The following NRAS variants were observed in gnomAD, a reference collection of about 807,000 sequenced individuals.
NRAS encodes GTPase NRas.
A neutral mutation model predicts 21.3 loss-of-function variants in NRAS; 6 were observed. That is an observed-to-expected ratio of 0.28 (90% CI 0.15 to 0.56). NRAS has a LOEUF of 0.56. Among genes scored for constraint, NRAS ranks in the 20% least tolerant of loss-of-function variants. NRAS has a pLI of 0.93. For missense variants in NRAS, 143 were observed against 231.3 expected, an observed-to-expected ratio of 0.62 and a Z score of 2.48; for synonymous variants, 84 against 82.0, an observed-to-expected ratio of 1.02 and a Z score of -0.13.
In NRAS at chr1:114,708,625, T is replaced by C; in HGVS notation, c.480A>G (p.Val160=). ...TCATTCGGTACTGGCGTATTTCTCTTACCAGTGTGTAAAAAGCATCTTCAA... is the reference window on the plus strand; with the variant it reads ...TCATTCGGTACTGGCGTATTTCTCTCACCAGTGTGTAAAAAGCATCTTCAA... ...QGVEDAFYTL[V]REIRQYRMKK... is the part of the protein sequence containing the mutation. The change falls in exon 5 of 7, where the codon GTA becomes GTG. Residue 160 remains valine, a synonymous_variant. Coordinates refer to ENST00000369535, the MANE Select transcript of NRAS (RefSeq NM_002524.5). The C allele has an allele frequency of 6.2e-7, 1 of 1,613,276 alleles. No homozygotes were observed. Among genetic ancestry groups the C allele is most frequent in the East Asian group, 2.2e-5 (1 of 44,866 alleles).
chr1:114,712,321 C>G (rs1659066020), intron 3 of NRAS, among the ~76,000 whole-genome samples: 1 of 152,218 alleles, frequency 6.6e-6, no homozygotes, highest in Non-Finnish European at 1.5e-5. Flanking sequence ...AGAATATGCT[C>G]ACTCCTAAAT....
At chr1:114,710,264 T>C (rs1659015762) in intron 3 of NRAS, among the ~76,000 whole-genome samples, 1 of 88,402 alleles carries the variant, frequency 1.1e-5, no homozygotes, top group Non-Finnish European at 2.1e-5. Flanking sequence ...TATATAAATA[T>C]ATATTTATAT....
At chr1:114,711,915 A>T (rs1159309068) in intron 3 of NRAS, among the ~76,000 whole-genome samples, 1 of 152,246 alleles carries the variant, frequency 6.6e-6, no homozygotes, top group African/African-American at 2.4e-5. Flanking sequence ...GTAGTCAAGG[A>T]ACTAATTTTT....
intron 5 of NRAS, 137 bp downstream of exon 5, chr1:114,708,394 G>T: frequency 1.3e-6 from 1 of 793,966 alleles, no homozygotes. Context: ...CTTTCAGAAA[G>T]GGTGTCATAT....
rs778179888 is a variant in NRAS, at chr1:114,708,631, T to A, written c.474A>T (p.Thr158=). Residue 158 remains threonine (T), a synonymous_variant, in exon 5 of 7, where the codon ACA becomes ACT. Coordinates refer to ENST00000369535, the MANE Select transcript of NRAS (RefSeq NM_002524.5). ...TRQGVEDAFY[T]LVREIRQYRM... Reference sequence around the variant, plus strand: ...GGTACTGGCGTATTTCTCTTACCAGTGTGTAAAAAGCATCTTCAACACCCT... The same window carrying A: ...GGTACTGGCGTATTTCTCTTACCAGAGTGTAAAAAGCATCTTCAACACCCT... 6.2e-7 allele frequency: 1 copy of A among 1,613,586 alleles called. No individual in the cohort carries two copies.
At chr1:114,709,761 A>G (rs1332970907) in intron 3 of NRAS, 33 bp from the exon 4 acceptor site, 2 of 1,587,084 alleles carry the variant, frequency 1.3e-6, no homozygotes, top group Admixed American at 1.7e-5. Flanking sequence ...AGAACATAAG[A>G]AAAACAAGAT....
chr1:114,708,699 G>C (rs769647280), intron 4 of NRAS, 45 bp from the exon 5 acceptor site: 6 of 1,598,818 alleles, frequency 3.8e-6, no homozygotes, highest in Admixed American at 1.7e-5. Flanking sequence ...CTAGCTCAAC[G>C]GACACAATCC....
At position 114,706,585 on chromosome 1, in the gene NRAS, T is replaced by C. The variant is rs141713248; in HGVS notation, c.*1509A>G. 3.3e-5 allele frequency: 5 copies of C among 152,342 alleles called. No homozygotes were observed. The highest frequency in any genetic ancestry group is 6.5e-5 in the Admixed American group (1 of 15,306). 9.4% of individuals were successfully genotyped at this position (152,342 alleles called of 1,614,324 possible). ...ACATCCTCATTCTCAAATGAGAATA[T>C]TGGCTTAATTTAGAGTTTCTACATG... On this transcript the variant is annotated 3_prime_UTR_variant, in exon 7 of 7. Transcript: ENST00000369535.
intron 3 of NRAS, among the ~76,000 whole-genome samples, chr1:114,712,427 AAT>A (rs1349499778): frequency 2.0e-5 from 3 of 152,188 alleles, no homozygotes; most frequent in Non-Finnish European, 4.4e-5. Context: ...AGATGTTTTA[AAT>A]ACTCTTTGGT....
At chr1:114,715,920 CA>C in intron 2 of NRAS, 129 bp downstream of exon 2, 1 of 718,650 alleles carries the variant, frequency 1.4e-6, no homozygotes, top group Non-Finnish European at 2.6e-6. Context: ...AAGCTTATTG[CA>C]TAACTGAATG....
rs1317498203 is a variant in NRAS, at chr1:114,710,209, A to AT, written c.291-482_291-481insA. ...CCATCCCCCCCAACCCCCCCCAAAA[A>AT]ATATATATAAAATATATAAAAATAA... is the stretch of plus-strand genomic sequence containing the variant. On this transcript the variant is annotated intron_variant, in intron 3 of 6. Coordinates refer to ENST00000369535, the MANE Select transcript of NRAS (RefSeq NM_002524.5). Among the ~76,000 whole-genome samples the AT allele has an allele frequency of 1.4e-4, 14 of 100,702 alleles. No homozygotes were observed. The South Asian group carries it at 1.5e-3, about 11-fold the overall frequency. 66.1% of individuals were successfully genotyped at this position (100,702 alleles called of 152,430 possible).
intron 3 of NRAS, among the ~76,000 whole-genome samples, chr1:114,712,906 A>G (rs759976783): frequency 1.3e-5 from 2 of 152,198 alleles, no homozygotes; most frequent in Non-Finnish European, 2.9e-5. Context: ...CTTAACCATT[A>G]TATTATTCTG....
At chr1:114,708,271 G>C in intron 5 of NRAS, 79 bp from the exon 6 acceptor site, 1 of 470,588 alleles carries the variant, frequency 2.1e-6, no homozygotes, top group South Asian at 2.8e-5. Flanking sequence ...GTCATTGCCA[G>C]GAATAGGGTA....
At position 114,708,583 on chromosome 1, in the gene NRAS, A is replaced by G; in HGVS notation, c.522T>C (p.Ser174=). Residue 174 remains serine (S), a synonymous_variant, in exon 5 of 7, where the codon AGT becomes AGC. Coordinates refer to ENST00000369535, the MANE Select transcript of NRAS (RefSeq NM_002524.5). ...CCATACAACCCTGAGTCCCATCATC[A>G]CTGCTGTTGAGTTTTTTCATTCGGT... The part of the protein sequence containing the change: ...RQYRMKKLNS[S]DDGTQGCMGL... 6.2e-7 allele frequency: 1 copy of G among 1,613,230 alleles called. No individual in the cohort carries two copies. Among genetic ancestry groups the G allele is most frequent in the African/African-American group, 1.3e-5 (1 of 74,994 alleles).
chr1:114,716,340 T>C (rs1233016294), intron 1 of NRAS, among the ~76,000 whole-genome samples, 163 bp from the exon 2 acceptor site: 3 of 152,336 alleles, frequency 2.0e-5, no homozygotes, highest in African/African-American at 4.8e-5. Context: ...CTCACACTTC[T>C]GGAGTAGTTT....
intron 3 of NRAS, among the ~76,000 whole-genome samples, chr1:114,713,261 C>T (rs1659083567): frequency 6.6e-6 from 1 of 152,106 alleles, no homozygotes; most frequent in South Asian, 2.1e-4. Flanking sequence ...CATGCCTCGA[C>T]CTCCTGAGCT....
At chr1:114,709,092 A>G (rs1200670586) in intron 4 of NRAS, among the ~76,000 whole-genome samples, 1 of 152,252 alleles carries the variant, frequency 6.6e-6, no homozygotes, top group East Asian at 1.9e-4. Flanking sequence ...GAATATTAGT[A>G]AGTTCATTTT....
intron 3 of NRAS, among the ~76,000 whole-genome samples, chr1:114,711,618 A>C (rs1181237118): frequency 9.1e-5 from 2 of 21,998 alleles, no homozygotes; most frequent in African/African-American, 2.1e-4. Flanking sequence ...AAAAAAAAAA[A>C]CAAACAAACA....
intron 1 of NRAS, 110 bp downstream of exon 1, chr1:114,716,548 G>A: frequency 5.7e-6 from 2 of 351,306 alleles, no homozygotes; most frequent in Non-Finnish European, 5.5e-6. Context: ...AAGGACCCCC[G>A]CCCAAGGCCT....
Sources: gnomAD v4.1 joint callset for allele counts (sites outside exome capture counted in the v4.1 genomes callset) on GRCh38, gnomAD v4.1.1 for gene constraint, MANE v1.5 for transcripts, NCBI Gene and HGNC (gene_info 2026-07-23, HGNC 2026-07-21) for gene names.